Variants in CNTN4 observed in about 807,000 individuals in gnomAD.
The protein encoded by CNTN4 is contactin-4.
In CNTN4, 77 loss-of-function variants were observed where a neutral mutation model predicts 122.5. The observed-to-expected ratio is 0.63, with a 90% CI of 0.52 to 0.76. The LOEUF is 0.76. Among genes scored for constraint, CNTN4 ranks in the 30% least tolerant of loss-of-function variants. The pLI, the probability that CNTN4 is intolerant of heterozygous loss-of-function variation, is 0.00. For synonymous variants in CNTN4, 512 were observed against 447.0 expected, an observed-to-expected ratio of 1.15 and a Z score of -1.83; for missense variants, 1,256 against 1,259.1, an observed-to-expected ratio of 1.00 and a Z score of 0.04.
At chr3:2,455,111 A>G (rs1365027337) in intron 3 of CNTN4, among the ~76,000 whole-genome samples, 4 of 152,180 alleles carry the variant, frequency 2.6e-5, no homozygotes, top group African/African-American at 9.6e-5. Context: ...AAGAGAGGAT[A>G]TGTGTGAGAC....
chr3:2,114,596 C>T (rs920290579), intron 2 of CNTN4, among the ~76,000 whole-genome samples: 1 of 152,152 alleles, frequency 6.6e-6, no homozygotes, highest in Non-Finnish European at 1.5e-5. Flanking sequence ...GCAATAGGGC[C>T]TTCATTTACA....
chr3:2,884,111 T>TA (rs2093942873), intron 9 of CNTN4, among the ~76,000 whole-genome samples: 1 of 150,636 alleles, frequency 6.6e-6, no homozygotes, highest in Admixed American at 6.6e-5. Flanking sequence ...TTTTTTTTTT[T>TA]ATTTTTCGGT....
intron 4 of CNTN4, among the ~76,000 whole-genome samples, chr3:2,581,268 T>TTATTTCTC (rs1286215094): frequency 1.3e-5 from 2 of 152,126 alleles, no homozygotes; most frequent in African/African-American, 4.8e-5. Flanking sequence ...GCTAAAGCTA[T>TTATTTCTC]ACCTTAAGTA....
intron 2 of CNTN4, among the ~76,000 whole-genome samples, chr3:2,250,819 A>G (rs1575173042): frequency 6.6e-6 from 1 of 151,924 alleles, no homozygotes; most frequent in Non-Finnish European, 1.5e-5. Flanking sequence ...CGTGGAATCC[A>G]GAACATACTA....
intron 13 of CNTN4, among the ~76,000 whole-genome samples, chr3:2,970,819 A>C (rs1280261210): frequency 1.3e-5 from 2 of 150,572 alleles, no homozygotes; most frequent in Non-Finnish European, 3.0e-5. Context: ...ACCGATTCTC[A>C]CTCTGTTGCC....
intron 3 of CNTN4, among the ~76,000 whole-genome samples, chr3:2,530,902 T>C (rs1402095871): frequency 6.6e-6 from 1 of 152,204 alleles, no homozygotes; most frequent in East Asian, 1.9e-4. Flanking sequence ...ACCACTGTTA[T>C]AGTTTCAGTT....
At chr3:2,620,033 G>C (rs754844841) in intron 4 of CNTN4, among the ~76,000 whole-genome samples, 9 of 151,984 alleles carry the variant, frequency 5.9e-5, no homozygotes, top group Non-Finnish European at 1.0e-4. Context: ...AATATACTCT[G>C]TCCCAGTCCC....
chr3:2,430,540 CTTA>C (rs1336124029), intron 3 of CNTN4, among the ~76,000 whole-genome samples: 1 of 138,426 alleles, frequency 7.2e-6, no homozygotes, highest in Non-Finnish European at 1.5e-5. Context: ...CCTAGTTTAG[CTTA>C]TTATAATTAG....
At chr3:2,819,402 A>T (rs2092812979) in intron 6 of CNTN4, 84 bp from the exon 7 acceptor site, 1 of 1,077,948 alleles carries the variant, frequency 9.3e-7, no homozygotes, top group African/African-American at 1.5e-5. Flanking sequence ...GAGCAGAATG[A>T]TTCTCTTTTG....
intron 7 of CNTN4, among the ~76,000 whole-genome samples, chr3:2,844,866 C>T (rs574852605): frequency 3.7e-4 from 57 of 152,106 alleles, no homozygotes; most frequent in Non-Finnish European, 6.6e-4. Flanking sequence ...TCATTCCTTC[C>T]GTAATGCATA....
rs969478687 is a variant in CNTN4, at chr3:2,182,877, G to A, written c.-145+82238G>A. On this transcript the variant is annotated intron_variant, in intron 2 of 24. Coordinates refer to ENST00000418658, the MANE Select transcript of CNTN4 (RefSeq NM_175607.3). The stretch of plus-strand genomic sequence containing the variant: ...TGGTTTTGTTCAACTTAAAATGACT[G>A]TTCCTAACAGCAGGTGCTCTCTTCT... 3.3e-5 allele frequency among the ~76,000 whole-genome samples: 5 copies of A among 150,696 alleles called. No individual in the cohort carries two copies. In the East Asian group the frequency reaches 9.7e-4, roughly 29 times the overall value.
At chr3:2,470,916 A>C (rs548752672) in intron 3 of CNTN4, among the ~76,000 whole-genome samples, 42 of 152,330 alleles carry the variant, frequency 2.8e-4, no homozygotes, top group African/African-American at 1.0e-3. Context: ...GAGATGAAAA[A>C]AGGACAAAAT....
At chr3:2,124,016 C>A (rs539691786) in intron 2 of CNTN4, among the ~76,000 whole-genome samples, 1 of 152,254 alleles carries the variant, frequency 6.6e-6, no homozygotes, top group South Asian at 2.1e-4. Context: ...AGACTTCTAG[C>A]AATTCCACAA....
chr3:2,248,919 A>C (rs987878878), intron 2 of CNTN4, among the ~76,000 whole-genome samples: 1 of 151,976 alleles, frequency 6.6e-6, no homozygotes, highest in Non-Finnish European at 1.5e-5. Context: ...AAAGGCTACA[A>C]TGCAGATACG....
intron 3 of CNTN4, among the ~76,000 whole-genome samples, chr3:2,453,807 A>G (rs1471463559): frequency 6.6e-6 from 1 of 152,184 alleles, no homozygotes; most frequent in Non-Finnish European, 1.5e-5. Flanking sequence ...CATAGCCCAA[A>G]CTACAAGTCA....
intron 4 of CNTN4, among the ~76,000 whole-genome samples, chr3:2,574,211 C>G (rs1465263159): frequency 6.6e-6 from 1 of 151,694 alleles, no homozygotes. Flanking sequence ...AGTGAAACTC[C>G]ATCTCACCAA....
chr3:2,434,398 C>G (rs2048188531), intron 3 of CNTN4, among the ~76,000 whole-genome samples: 1 of 152,048 alleles, frequency 6.6e-6, no homozygotes, highest in African/African-American at 2.4e-5. Flanking sequence ...AGGGCATGTG[C>G]AAAAGTCTTG....
In CNTN4 at chr3:2,617,745, G is replaced by T. The variant is rs189237247; in HGVS notation, c.55+46187G>T. 4.0e-5 allele frequency among the ~76,000 whole-genome samples: 6 copies of T among 151,814 alleles called. No individual in the cohort carries two copies. In the East Asian group the frequency reaches 1.2e-3, roughly 29 times the overall value. On this transcript the variant is annotated intron_variant, in intron 4 of 24. Transcript: ENST00000418658. ...CCCGAGAAATGCCCTTTTTTTAAAGGGATAGTTCTCTCATGGCTAATTCAA... is the reference window on the plus strand; with the variant it reads ...CCCGAGAAATGCCCTTTTTTTAAAGTGATAGTTCTCTCATGGCTAATTCAA...
At chr3:3,027,044 A>G (rs565187991) in intron 15 of CNTN4, among the ~76,000 whole-genome samples, 13 of 152,252 alleles carry the variant, frequency 8.5e-5, no homozygotes, top group African/African-American at 2.9e-4. Context: ...CCCTGACTTG[A>G]AAAGCTCTCC....
Sources: gnomAD v4.1 joint callset for allele counts (sites outside exome capture counted in the v4.1 genomes callset) on GRCh38, gnomAD v4.1.1 for gene constraint, MANE v1.5 for transcripts, NCBI Gene and HGNC (gene_info 2026-07-23, HGNC 2026-07-21) for gene names.